The following MAP4K4 variants were observed in gnomAD, a reference collection of about 807,000 sequenced individuals.
MAP4K4 encodes the protein HPK/GCK-like kinase HGK.
MAP4K4 carries 38 observed loss-of-function variants against 189.6 expected under a neutral mutation model. The observed-to-expected ratio is 0.20, with a 90% CI of 0.15 to 0.26. The LOEUF (loss-of-function observed/expected upper bound fraction) is 0.26, where lower values mean the gene tolerates loss of function less well. Among genes scored for constraint, MAP4K4 ranks in the 10% least tolerant of loss-of-function variants. The probability of loss-of-function intolerance (pLI) is 1.00; values close to 1 mark genes in which losing one functional copy is unlikely to be tolerated. For synonymous variants in MAP4K4, 610 were observed against 624.3 expected (o/e 0.98, Z 0.34); for missense variants, 1,054 against 1,726.9 (o/e 0.61, Z 6.91).
Position 101,863,482 on chromosome 2 carries a change from A to T in MAP4K4, c.1867-339A>T, listed in dbSNP as rs536091619. On this transcript the variant is annotated intron_variant, in intron 16 of 32. Transcript: ENST00000324219. ...CTTTCCAGTCTCTGCTTTGACATGG[A>T]TGTGCATGCAACACATCATAACCCC... 2.1e-3 allele frequency among the ~76,000 whole-genome samples: 314 copies of T among 152,138 alleles called. 1 individual carries two copies. Among genetic ancestry groups the T allele is most frequent in the Non-Finnish European group, 3.3e-3 (222 of 68,012 alleles).
At chr2:101,772,463 G>A (rs2150370309) in intron 2 of MAP4K4, among the ~76,000 whole-genome samples, 1 of 152,280 alleles carries the variant, frequency 6.6e-6, no homozygotes, top group East Asian at 1.9e-4. Flanking sequence ...AGAAATATTT[G>A]TTTCCATGTG....
intron 2 of MAP4K4, among the ~76,000 whole-genome samples, chr2:101,779,216 AGAG>A (rs1030414249): frequency 2.0e-5 from 3 of 151,866 alleles, no homozygotes; most frequent in African/African-American, 4.8e-5. Context: ...GAGGAGGAGG[AGAG>A]GAGGATGCTG....
At chr2:101,797,893 T>TTTTTTG (rs2093934373) in intron 3 of MAP4K4, among the ~76,000 whole-genome samples, 5 of 121,458 alleles carry the variant, frequency 4.1e-5, no homozygotes, top group Non-Finnish European at 1.7e-5. Flanking sequence ...CTTTTAGTTT[T>TTTTTTG]TTTTTTTTTT....
At chr2:101,803,305 C>G (rs114343393) in intron 3 of MAP4K4, among the ~76,000 whole-genome samples, 94 of 141,118 alleles carry the variant, frequency 6.7e-4, no homozygotes, top group African/African-American at 2.8e-3. Flanking sequence ...CTGTCTGTGT[C>G]TGTGTCTGTC....
chr2:101,848,096 G>T (rs1033528530), intron 12 of MAP4K4, among the ~76,000 whole-genome samples: 2 of 152,146 alleles, frequency 1.3e-5, no homozygotes, highest in South Asian at 4.1e-4. Flanking sequence ...GTTTGTGTGT[G>T]CACACTATAT....
intron 2 of MAP4K4, among the ~76,000 whole-genome samples, chr2:101,754,548 C>T (rs1012490486): frequency 1.3e-5 from 2 of 151,998 alleles, no homozygotes; most frequent in Non-Finnish European, 2.9e-5. Context: ...GACAGGATAT[C>T]ACTATATGTT....
intron 2 of MAP4K4, among the ~76,000 whole-genome samples, chr2:101,784,759 T>C (rs2089781580): frequency 6.6e-6 from 1 of 152,218 alleles, no homozygotes; most frequent in African/African-American, 2.4e-5. Context: ...TAAAATGTTA[T>C]AGAATAGTAT....
intron 2 of MAP4K4, among the ~76,000 whole-genome samples, chr2:101,703,715 T>A (rs1559008299): frequency 6.6e-6 from 1 of 151,600 alleles, no homozygotes. Context: ...ATTGTCTGGC[T>A]TTTAAAAATC....
intron 7 of MAP4K4, among the ~76,000 whole-genome samples, chr2:101,832,455 A>G (rs2096618938): frequency 6.6e-6 from 1 of 152,240 alleles, no homozygotes; most frequent in South Asian, 2.1e-4. Context: ...GATATGCAAA[A>G]TGGAATTCAT....
At chr2:101,894,425 GTTTAT>G (rs908373641) in exon 33 of MAP4K4, 8 of 152,730 alleles carry the variant, frequency 5.2e-5, no homozygotes, top group African/African-American at 1.4e-4. Flanking sequence ...CATATTTATG[GTTTAT>G]TTTAAGTGAC....
intron 2 of MAP4K4, among the ~76,000 whole-genome samples, chr2:101,772,766 A>G (rs73943764): frequency 0.016 from 2,486 of 152,298 alleles, 78 homozygotes; most frequent in African/African-American, 0.056. Context: ...ACATTTCTTT[A>G]TCTTGCCCCG....
At chr2:101,755,650 T>C (rs918472919) in intron 2 of MAP4K4, among the ~76,000 whole-genome samples, 1 of 152,154 alleles carries the variant, frequency 6.6e-6, no homozygotes, top group African/African-American at 2.4e-5. Flanking sequence ...TATTTTTGCA[T>C]TAATCCGCTC....
At chr2:101,797,158 T>C in intron 3 of MAP4K4, 1 of 1,142,924 alleles carries the variant, frequency 8.7e-7, no homozygotes, top group Non-Finnish European at 1.1e-6. Context: ...AATGAATGTG[T>C]TGTTCTTGTC....
intron 2 of MAP4K4, among the ~76,000 whole-genome samples, chr2:101,745,461 A>G (rs563364644): frequency 1.2e-4 from 17 of 144,458 alleles, no homozygotes; most frequent in South Asian, 2.2e-4. Flanking sequence ...AAAAAAAAGT[A>G]TTAGAATCTA....
At chr2:101,871,122 A>T (rs1339946776) in intron 23 of MAP4K4, among the ~76,000 whole-genome samples, 3 of 152,154 alleles carry the variant, frequency 2.0e-5, no homozygotes, top group Non-Finnish European at 4.4e-5. Flanking sequence ...TTCGGATGGA[A>T]AGTAGGAAGA....
intron 2 of MAP4K4, among the ~76,000 whole-genome samples, chr2:101,716,780 A>G (rs1391917104): frequency 6.6e-6 from 1 of 152,172 alleles, no homozygotes; most frequent in Non-Finnish European, 1.5e-5. Flanking sequence ...CTGGCAGTTA[A>G]CTGGGGGCTG....
intron 12 of MAP4K4, among the ~76,000 whole-genome samples, chr2:101,849,625 C>CTTTTT (rs370459029): frequency 7.0e-6 from 1 of 143,450 alleles, no homozygotes; most frequent in Non-Finnish European, 1.5e-5. Context: ...GTTTTGTGCT[C>CTTTTT]TTTTTTTTTT....
chr2:101,774,599 T>C (rs942351998), intron 2 of MAP4K4, among the ~76,000 whole-genome samples: 3 of 152,210 alleles, frequency 2.0e-5, no homozygotes, highest in African/African-American at 7.2e-5. Flanking sequence ...TTCCTTTGGG[T>C]GCCTGTGCTT....
At chr2:101,841,846 G>C (rs770937777) in intron 10 of MAP4K4, among the ~76,000 whole-genome samples, 10 of 152,128 alleles carry the variant, frequency 6.6e-5, no homozygotes, top group Non-Finnish European at 1.2e-4. Context: ...AACCTGTCTG[G>C]TTTTTTGATT....
Sources: gnomAD v4.1 joint callset for allele counts (sites outside exome capture counted in the v4.1 genomes callset) on GRCh38, gnomAD v4.1.1 for gene constraint, MANE v1.5 for transcripts, NCBI Gene and HGNC (gene_info 2026-07-23, HGNC 2026-07-21) for gene names.